DNAJC17: variants seen among roughly 807,000 people sequenced by gnomAD.
The protein encoded by DNAJC17 is dnaJ homolog subfamily C member 17.
DNAJC17 carries 35 observed loss-of-function variants against 48.1 expected under a neutral mutation model. The ratio of observed to expected loss-of-function variants is 0.73; its 90% CI spans 0.56 to 0.96. The LOEUF is 0.96. Ranked by LOEUF, DNAJC17 falls within the 50% of genes least tolerant of loss-of-function variation. The probability of loss-of-function intolerance (pLI) is 0.00; values close to 1 mark genes in which losing one functional copy is unlikely to be tolerated. For missense variants in DNAJC17, 355 were observed against 377.1 expected (o/e 0.94, Z 0.48); for synonymous variants, 117 against 142.7 (o/e 0.82, Z 1.28).
chr15:40,768,082 C>G lies in DNAJC17; in HGVS notation c.793-20G>C. ...TGAGCCCTGTCGGACAGGGCAGGGA[C>G]AGGGAGGGGTCAGGGACAGCAGGGC... is the stretch of plus-strand genomic sequence containing the variant. On this transcript the variant is annotated intron_variant, in intron 10 of 10. Coordinates refer to ENST00000220496, the MANE Select transcript of DNAJC17 (RefSeq NM_018163.3). The G allele has an allele frequency of 6.6e-7, 1 of 1,525,716 alleles. No individual in the cohort carries two copies. Among genetic ancestry groups the G allele is most frequent in the Non-Finnish European group, 8.8e-7 (1 of 1,139,740 alleles). 94.5% of individuals were successfully genotyped at this position (1,525,716 alleles called of 1,614,324 possible).
intron 1 of DNAJC17, among the ~76,000 whole-genome samples, chr15:40,784,869 G>A (rs573958197): frequency 9.2e-5 from 14 of 152,198 alleles, no homozygotes; most frequent in South Asian, 8.3e-4. Context: ...AGGCTGAGGC[G>A]GGCAGATCAC....
intron 1 of DNAJC17, 86 bp from the exon 2 acceptor site, chr15:40,780,083 C>A: frequency 7.8e-7 from 1 of 1,279,450 alleles, no homozygotes; most frequent in East Asian, 2.4e-5. Flanking sequence ...AAGGGGAATC[C>A]CATGCACACC....
intron 1 of DNAJC17, among the ~76,000 whole-genome samples, chr15:40,783,448 A>G (rs1399190521): frequency 6.6e-6 from 1 of 152,190 alleles, no homozygotes; most frequent in Non-Finnish European, 1.5e-5. Flanking sequence ...CCCAGTATCT[A>G]TGGCATCACC....
intron 4 of DNAJC17, chr15:40,776,935 G>A (rs1306558224): frequency 2.1e-5 from 6 of 281,812 alleles, no homozygotes; most frequent in Non-Finnish European, 4.1e-5. Flanking sequence ...AGGGCCATGT[G>A]TCAGGGGTGC....
At chr15:40,798,983 G>A (rs1890006444) in intron 1 of DNAJC17, among the ~76,000 whole-genome samples, 1 of 152,120 alleles carries the variant, frequency 6.6e-6, no homozygotes, top group African/African-American at 2.4e-5. Flanking sequence ...ACTTTGGGAG[G>A]CTGAGGCGGG....
intron 1 of DNAJC17, among the ~76,000 whole-genome samples, chr15:40,802,053 T>TAGGGAGGTACTGAGAATG (rs1890089435): frequency 6.6e-6 from 1 of 151,940 alleles, no homozygotes; most frequent in Non-Finnish European, 1.5e-5. Flanking sequence ...GGTGAGAGGA[T>TAGGGAGGTACTGAGAATG]AGGGAGGTAC....
chr15:40,773,933 C>A, intron 9 of DNAJC17, 96 bp from the exon 10 acceptor site: 1 of 1,125,750 alleles, frequency 8.9e-7, no homozygotes, highest in Non-Finnish European at 1.3e-6. Flanking sequence ...AGCGTTCTAG[C>A]CCTCTAAGCA....
At chr15:40,804,678 C>T (rs1236633841) in intron 1 of DNAJC17, among the ~76,000 whole-genome samples, 1 of 152,210 alleles carries the variant, frequency 6.6e-6, no homozygotes, top group Non-Finnish European at 1.5e-5. Context: ...CAACTGACTT[C>T]CTCAGGAGTT....
intron 1 of DNAJC17, among the ~76,000 whole-genome samples, chr15:40,786,852 G>A (rs1889657249): frequency 6.6e-6 from 1 of 152,168 alleles, no homozygotes; most frequent in Non-Finnish European, 1.5e-5. Context: ...TTCTCCTGAT[G>A]GCTTTCTAAA....
At chr15:40,795,514 T>A (rs1189470960) in intron 1 of DNAJC17, among the ~76,000 whole-genome samples, 1 of 151,996 alleles carries the variant, frequency 6.6e-6, no homozygotes, top group Non-Finnish European at 1.5e-5. Context: ...TTATGGGAAA[T>A]GTTTCAACCC....
chr15:40,788,898 C>T (rs1329119017), intron 1 of DNAJC17, among the ~76,000 whole-genome samples: 1 of 152,082 alleles, frequency 6.6e-6, no homozygotes, highest in Non-Finnish European at 1.5e-5. Context: ...AGAGAAGTTC[C>T]CTGTGCCTGA....
intron 2 of DNAJC17, 34 bp from the exon 3 acceptor site, chr15:40,779,637 T>C: frequency 3.1e-6 from 5 of 1,604,592 alleles, no homozygotes; most frequent in Non-Finnish European, 4.3e-6. Context: ...AGAAGAAAAA[T>C]AAAGTTAAGA....
intron 1 of DNAJC17, among the ~76,000 whole-genome samples, chr15:40,783,255 G>A (rs1889551898): frequency 1.3e-5 from 2 of 151,892 alleles, no homozygotes; most frequent in South Asian, 4.2e-4. Context: ...TTATAAAGAT[G>A]TTCTTTCTCA....
At chr15:40,796,167 A>G (rs1195236442) in intron 1 of DNAJC17, among the ~76,000 whole-genome samples, 1 of 152,222 alleles carries the variant, frequency 6.6e-6, no homozygotes, top group Non-Finnish European at 1.5e-5. Context: ...CAATCACTCA[A>G]CAAAGATTTA....
intron 1 of DNAJC17, among the ~76,000 whole-genome samples, chr15:40,800,945 G>A (rs1307542406): frequency 1.4e-5 from 2 of 142,872 alleles, no homozygotes; most frequent in Non-Finnish European, 3.0e-5. Flanking sequence ...GCGACAGCGA[G>A]ACTCCGTCTC....
At chr15:40,777,705 C>T (rs1251346098) in intron 4 of DNAJC17, among the ~76,000 whole-genome samples, 1 of 145,730 alleles carries the variant, frequency 6.9e-6, no homozygotes, top group Admixed American at 7.0e-5. Flanking sequence ...GCAACAAGAG[C>T]GAAACTCCGT....
chr15:40,784,309 G>C (rs1889586388), intron 1 of DNAJC17, among the ~76,000 whole-genome samples: 1 of 151,698 alleles, frequency 6.6e-6, no homozygotes, highest in East Asian at 1.9e-4. Flanking sequence ...TTGAGAGAAT[G>C]CTTTCTGAAT....
intron 1 of DNAJC17, among the ~76,000 whole-genome samples, chr15:40,793,717 C>G (rs1889871908): frequency 6.6e-6 from 1 of 151,916 alleles, no homozygotes; most frequent in Non-Finnish European, 1.5e-5. Context: ...ATGAAAACAG[C>G]AAGAACTGAC....
Position 40,770,198 on chromosome 15 carries a change from C to T in DNAJC17, c.793-2136G>A. On this transcript the variant is annotated intron_variant, in intron 10 of 10. Coordinates refer to ENST00000220496, the MANE Select transcript of DNAJC17 (RefSeq NM_018163.3). The surrounding 1 kb of genome is among the most constrained non-coding windows in gnomAD (Gnocchi z 5.0). The stretch of plus-strand genomic sequence containing the variant: ...CTCATTCTGGCTCCAGTAAGTGCTG[C>T]TTCTTCCTCCTGGGTTTTTTTCCAC... The T allele has an allele frequency of 3.0e-6, 1 of 337,448 alleles. No individual in the cohort carries two copies. The allele number at this position is 337,448 out of a possible 1,614,324, so 20.9% of individuals were successfully genotyped here. A position where few individuals can be genotyped will look rare whatever the true frequency, so the allele number is the denominator to read the frequency against.
Sources: gnomAD v4.1 joint callset for allele counts (sites outside exome capture counted in the v4.1 genomes callset) on GRCh38, gnomAD v4.1.1 for gene constraint, Gnocchi (gnomAD v3.1) non-coding constraint, MANE v1.5 for transcripts, NCBI Gene and HGNC (gene_info 2026-07-23, HGNC 2026-07-21) for gene names.